The following GSDME variants were observed in gnomAD, a reference collection of about 807,000 sequenced individuals.
GSDME encodes gasdermin-E.
GSDME carries 44 observed loss-of-function variants against 47.5 expected under a neutral mutation model. That is an observed-to-expected ratio of 0.93 (90% CI 0.73 to 1.19). The LOEUF (loss-of-function observed/expected upper bound fraction) is 1.19. Ranked by LOEUF, GSDME falls within the 50% of genes most tolerant of loss-of-function variation. The pLI, the probability that GSDME is intolerant of heterozygous loss-of-function variation, is 0.00. For synonymous variants in GSDME, 258 were observed against 252.8 expected (o/e 1.02, Z -0.20); for missense variants, 663 against 604.2 (o/e 1.10, Z -1.02).
chr7:24,786,735 C>T, the GSDME span, among the ~76,000 whole-genome samples: 77 of 152,232 alleles, frequency 5.1e-4, no homozygotes, highest in African/African-American at 1.7e-3. This position sits in a 1 kb window ranked among gnomAD's most constrained non-coding sequence, Gnocchi z 5.5. Flanking sequence ...GGTGGACAGT[C>T]GTGATGGCTG....
At chr7:24,729,027 G>A (rs909170043) in intron 3 of GSDME, among the ~76,000 whole-genome samples, 1 of 152,188 alleles carries the variant, frequency 6.6e-6, no homozygotes, top group Non-Finnish European at 1.5e-5. Context: ...CCACATTATA[G>A]TCTCTAATAC....
chr7:24,737,343 A>C (rs988645787), intron 3 of GSDME, among the ~76,000 whole-genome samples: 1 of 152,080 alleles, frequency 6.6e-6, no homozygotes. Context: ...AATTCAAAGG[A>C]TCATTAGAGG....
intron 8 of GSDME, 44 bp from the exon 9 acceptor site, chr7:24,702,877 C>A: frequency 1.9e-6 from 3 of 1,565,446 alleles, no homozygotes; most frequent in South Asian, 1.1e-5. Context: ...AAAAACAAGT[C>A]CATGGGAACA....
In GSDME at chr7:24,744,988, T is replaced by A. The variant is rs1453998705; in HGVS notation, c.212-234A>T. On this transcript the variant is annotated intron_variant, in intron 2 of 9. Coordinates refer to ENST00000645220, the MANE Select transcript of GSDME (RefSeq NM_001127453.2). This position sits in a 1 kb window ranked among gnomAD's most constrained non-coding sequence, Gnocchi z 4.5. ...ACACAGTGGACCAGTGCAGCACGTGTGTGTGTGTGTGTGTGTGTGTGTGTG... is the reference window on the plus strand; with the variant it reads ...ACACAGTGGACCAGTGCAGCACGTGAGTGTGTGTGTGTGTGTGTGTGTGTG... Among the ~76,000 whole-genome samples the A allele has an allele frequency of 4.1e-5, 1 of 24,562 alleles. No homozygotes were observed. The highest frequency in any genetic ancestry group is 6.1e-5 in the Non-Finnish European group (1 of 16,494). 16.1% of individuals were successfully genotyped at this position (24,562 alleles called of 152,430 possible).
At chr7:24,773,200 A>C in the GSDME span, among the ~76,000 whole-genome samples, 1 of 152,228 alleles carries the variant, frequency 6.6e-6, no homozygotes, top group Non-Finnish European at 1.5e-5. This position sits in a 1 kb window ranked among gnomAD's most constrained non-coding sequence, Gnocchi z 5.4. Context: ...TTATAAACTC[A>C]ATTCCATTAG....
At chr7:24,740,699 G>C (rs578038702) in intron 3 of GSDME, among the ~76,000 whole-genome samples, 1 of 151,802 alleles carries the variant, frequency 6.6e-6, no homozygotes, top group Non-Finnish European at 1.5e-5. Flanking sequence ...GTGTAATTCT[G>C]AAACATTTTA....
At chr7:24,780,860 C>A in the GSDME span, among the ~76,000 whole-genome samples, 1 of 152,130 alleles carries the variant, frequency 6.6e-6, no homozygotes, top group South Asian at 2.1e-4. The surrounding 1 kb of genome is among the most constrained non-coding windows in gnomAD (Gnocchi z 4.1). Context: ...ATAAGAATCA[C>A]CCAATTCCCT....
chr7:24,727,690 T>C (rs1047143105), intron 3 of GSDME, among the ~76,000 whole-genome samples: 1 of 152,232 alleles, frequency 6.6e-6, no homozygotes, highest in Non-Finnish European at 1.5e-5. Context: ...TGGGAAAGTC[T>C]GCTTCTCTCT....
In GSDME at chr7:24,754,900, C is replaced by G. The variant is rs1269324993; in HGVS notation, c.-20+2496G>C. 1.3e-5 allele frequency among the ~76,000 whole-genome samples: 2 copies of G among 152,140 alleles called. No homozygotes were observed. The highest frequency in any genetic ancestry group is 4.8e-5 in the African/African-American group (2 of 41,416). ...ACCCTGGGCCTCTGCCTGAAGAGTT[C>G]TAGAAAAGAAACTTCAACATCAAAT... On this transcript the variant is annotated intron_variant, in intron 1 of 9. Transcript: ENST00000645220. The surrounding 1 kb of genome is among the most constrained non-coding windows in gnomAD (Gnocchi z 5.0).
At chr7:24,709,649 C>G (rs1789268587) in intron 6 of GSDME, among the ~76,000 whole-genome samples, 1 of 152,118 alleles carries the variant, frequency 6.6e-6, no homozygotes, top group Non-Finnish European at 1.5e-5. Context: ...CCCCCACATC[C>G]CCGACAAAAG....
chr7:24,708,253 C>G lies in GSDME; in HGVS notation c.864G>C (p.Ala288=). Residue 288 remains alanine, a splice_region_variant and synonymous_variant, in exon 7 of 10, where the codon GCG becomes GCC. Coordinates refer to ENST00000645220, the MANE Select transcript of GSDME (RefSeq NM_001127453.2). The stretch of plus-strand genomic sequence containing the variant: ...GGAAATTCCTCTCCAGGAGCAGGGT[C>G]GCTGTGAAAACAAAGCACACCCAAG... ...QDGPLSVLKQ[A]TLLLERNFHP... 1.2e-6 allele frequency: 2 copies of G among 1,613,968 alleles called. No individual in the cohort carries two copies. Among genetic ancestry groups the G allele is most frequent in the Non-Finnish European group, 1.7e-6 (2 of 1,180,020 alleles).
chr7:24,731,321 G>T (rs563307827), intron 3 of GSDME, among the ~76,000 whole-genome samples: 1 of 152,222 alleles, frequency 6.6e-6, no homozygotes, highest in Non-Finnish European at 1.5e-5. Context: ...CCAGCTACAC[G>T]TCTGGATCAG....
At chr7:24,730,398 G>C (rs1790106166) in intron 3 of GSDME, among the ~76,000 whole-genome samples, 1 of 152,194 alleles carries the variant, frequency 6.6e-6, no homozygotes, top group Non-Finnish European at 1.5e-5. Flanking sequence ...CTCTTTCAAT[G>C]GATGACATCT....
the GSDME span, among the ~76,000 whole-genome samples, chr7:24,793,620 A>T: frequency 6.6e-6 from 1 of 152,122 alleles, no homozygotes; most frequent in East Asian, 1.9e-4. Context: ...TTTTTATAAC[A>T]CACATTTTTT....
At chr7:24,707,504 A>C (rs144496723) in intron 7 of GSDME, 9 of 458,948 alleles carry the variant, frequency 2.0e-5, no homozygotes, top group Non-Finnish European at 3.2e-5. Context: ...ATTCCACCAC[A>C]CGACCCCCTT....
At chr7:24,710,488 C>T (rs746242267) in intron 5 of GSDME, 100 bp from the exon 6 acceptor site, 53 of 1,151,994 alleles carry the variant, frequency 4.6e-5, no homozygotes, top group Admixed American at 5.3e-5. Context: ...ACATCTTAGA[C>T]GTAACTCAGT....
At chr7:24,718,897 C>T (rs1789668144) in intron 4 of GSDME, 150 bp downstream of exon 4, 3 of 872,274 alleles carry the variant, frequency 3.4e-6, no homozygotes, top group South Asian at 1.4e-5. Flanking sequence ...AGCCAATACA[C>T]TCTTGCTCAT....
chr7:24,706,445 T>C, intron 7 of GSDME, 69 bp from the exon 8 acceptor site: 1 of 1,493,898 alleles, frequency 6.7e-7, no homozygotes, highest in Non-Finnish European at 9.2e-7. Flanking sequence ...GGGCCTCCGC[T>C]CACAGTACAC....
At chr7:24,710,489 G>C (rs1180239412) in intron 5 of GSDME, 101 bp from the exon 6 acceptor site, 6 of 1,120,536 alleles carry the variant, frequency 5.4e-6, no homozygotes, top group Non-Finnish European at 8.1e-6. Context: ...CATCTTAGAC[G>C]TAACTCAGTG....
Sources: gnomAD v4.1 joint callset for allele counts (sites outside exome capture counted in the v4.1 genomes callset) on GRCh38, gnomAD v4.1.1 for gene constraint, Gnocchi (gnomAD v3.1) non-coding constraint, MANE v1.5 for transcripts, NCBI Gene and HGNC (gene_info 2026-07-23, HGNC 2026-07-21) for gene names.